SLC36A1: variants seen among roughly 807,000 people sequenced by gnomAD.
The protein encoded by SLC36A1 is solute carrier family 36 member 1.
In SLC36A1, 30 loss-of-function variants were observed where a neutral mutation model predicts 47.5. The observed-to-expected ratio is 0.63, with a 90% CI of 0.47 to 0.86. The LOEUF is 0.86. Among genes scored for constraint, SLC36A1 ranks in the 40% least tolerant of loss-of-function variants. The pLI, the probability that SLC36A1 is intolerant of heterozygous loss-of-function variation, is 0.00. For missense variants in SLC36A1, 517 were observed against 606.0 expected, an observed-to-expected ratio of 0.85 and a Z score of 1.54; for synonymous variants, 255 against 249.7, an observed-to-expected ratio of 1.02 and a Z score of -0.20.
chr5:151,531,330 C>T, the SLC36A1 span, among the ~76,000 whole-genome samples: 1 of 152,150 alleles, frequency 6.6e-6, no homozygotes, highest in African/African-American at 2.4e-5. The surrounding 1 kb of genome is among the most constrained non-coding windows in gnomAD (Gnocchi z 5.7). Flanking sequence ...GAGAGTGGAT[C>T]ACTGAGGGTC....
At chr5:151,369,135 A>T in the SLC36A1 span, among the ~76,000 whole-genome samples, 3 of 152,348 alleles carry the variant, frequency 2.0e-5, no homozygotes, top group Admixed American at 2.0e-4. Context: ...TTTCTAAAAA[A>T]CTATTGACTG....
the SLC36A1 span, among the ~76,000 whole-genome samples, chr5:151,381,826 G>T: frequency 1.3e-5 from 2 of 152,086 alleles, no homozygotes; most frequent in African/African-American, 4.8e-5. Context: ...CTTAAAAACT[G>T]CCCCTAAATG....
At chr5:151,542,231 C>T in the SLC36A1 span, 143 of 1,510,856 alleles carry the variant, frequency 9.5e-5, no homozygotes, top group Non-Finnish European at 1.2e-4. Context: ...GCACCTCTTC[C>T]TGGATGTTTT....
At chr5:151,468,271 ATAT>A (rs1756813664) in intron 7 of SLC36A1, among the ~76,000 whole-genome samples, 1 of 90,100 alleles carries the variant, frequency 1.1e-5, no homozygotes, top group African/African-American at 5.7e-5. Flanking sequence ...AAAAAAATAT[ATAT>A]ATATATATAT....
the SLC36A1 span, among the ~76,000 whole-genome samples, chr5:151,539,115 T>C: frequency 6.6e-6 from 1 of 152,054 alleles, no homozygotes; most frequent in Non-Finnish European, 1.5e-5. Flanking sequence ...TAATGATGGC[T>C]GAGGGAAAAG....
At chr5:151,509,778 G>A in the SLC36A1 span, 26 of 473,368 alleles carry the variant, frequency 5.5e-5, 1 homozygote, top group East Asian at 7.7e-4. Context: ...AATGTCATGT[G>A]CTTGAATCAT....
chr5:151,439,645 T>C (rs1329392994), intron 1 of SLC36A1, among the ~76,000 whole-genome samples: 1 of 141,604 alleles, frequency 7.1e-6, no homozygotes, highest in Non-Finnish European at 1.5e-5. Context: ...AGAGTGAGAC[T>C]CCATCTCAAA....
chr5:151,464,205 C>G (rs1443503675), intron 3 of SLC36A1, among the ~76,000 whole-genome samples: 1 of 152,182 alleles, frequency 6.6e-6, no homozygotes. Context: ...ATCCCTTAGC[C>G]CAGCTCTTCC....
chr5:151,414,363 A>G, the SLC36A1 span, among the ~76,000 whole-genome samples: 1 of 152,178 alleles, frequency 6.6e-6, no homozygotes, highest in Non-Finnish European at 1.5e-5. Flanking sequence ...AGAATGGTAG[A>G]TAGCCCAGAC....
chr5:151,404,367 A>G, the SLC36A1 span, among the ~76,000 whole-genome samples: 1 of 152,080 alleles, frequency 6.6e-6, no homozygotes, highest in Non-Finnish European at 1.5e-5. Flanking sequence ...TTTTAATCCA[A>G]CTTCCCACTT....
At chr5:151,407,175 A>G in the SLC36A1 span, among the ~76,000 whole-genome samples, 104 of 152,356 alleles carry the variant, frequency 6.8e-4, no homozygotes, top group Non-Finnish European at 1.3e-3. Flanking sequence ...TGTGAAGAGC[A>G]AAAGAACAAA....
intron 1 of SLC36A1, among the ~76,000 whole-genome samples, chr5:151,454,234 A>C (rs114809878): frequency 3.0e-4 from 46 of 151,954 alleles, no homozygotes; most frequent in South Asian, 1.2e-3. Context: ...CTTGCCTTCA[A>C]CTCTCACATA....
chr5:151,492,926 G>T (rs569946007), downstream of SLC36A1, among the ~76,000 whole-genome samples: 1 of 152,108 alleles, frequency 6.6e-6, no homozygotes, highest in East Asian at 1.9e-4. Flanking sequence ...CCTATGACTC[G>T]CAGACTTGCC....
At chr5:151,516,022 C>T in the SLC36A1 span, among the ~76,000 whole-genome samples, 1 of 152,304 alleles carries the variant, frequency 6.6e-6, no homozygotes, top group African/African-American at 2.4e-5. Flanking sequence ...TTCACTGGAG[C>T]CAGGTAGAAC....
At chr5:151,468,269 ATATAT>A (rs1756809284) in intron 7 of SLC36A1, among the ~76,000 whole-genome samples, 26 of 81,620 alleles carry the variant, frequency 3.2e-4, no homozygotes, top group African/African-American at 1.7e-3. Context: ...AAAAAAAAAT[ATATAT>A]ATATATATAT....
upstream of SLC36A1, among the ~76,000 whole-genome samples, chr5:151,435,333 T>A (rs1278004361): frequency 6.6e-6 from 1 of 152,200 alleles, no homozygotes. Context: ...AACTATCTGT[T>A]AAGTGCAAAA....
At chr5:151,402,087 C>T in the SLC36A1 span, among the ~76,000 whole-genome samples, 12 of 152,270 alleles carry the variant, frequency 7.9e-5, no homozygotes, top group South Asian at 2.1e-4. Context: ...AGAATGCTTT[C>T]GGCTTTTGCC....
the SLC36A1 span, chr5:151,546,360 C>T: frequency 6.3e-7 from 1 of 1,583,236 alleles, no homozygotes; most frequent in Non-Finnish European, 8.6e-7. Flanking sequence ...ACAAGACAAA[C>T]AAGTTTGCCA....
downstream of SLC36A1, among the ~76,000 whole-genome samples, chr5:151,492,960 G>A (rs568324014): frequency 2.0e-5 from 3 of 152,278 alleles, no homozygotes; most frequent in Admixed American, 2.0e-4. Flanking sequence ...ATGGGAGCCA[G>A]TTCCTTGATT....
Sources: allele counts gnomAD v4.1 joint callset (sites outside exome capture counted in the v4.1 genomes callset), GRCh38; gene constraint gnomAD v4.1.1; non-coding constraint Gnocchi (gnomAD v3.1); transcripts MANE v1.5; gene names NCBI Gene and HGNC (gene_info 2026-07-23, HGNC 2026-07-21).